The following IL1RAPL1 variants were observed in gnomAD, a reference collection of about 807,000 sequenced individuals.
IL1RAPL1 encodes the protein interleukin 1 receptor accessory protein like 1.
A neutral mutation model predicts 48.4 loss-of-function variants in IL1RAPL1; 3 were observed. The ratio of observed to expected loss-of-function variants is 0.06; its 90% CI spans 0.03 to 0.16. IL1RAPL1 has a LOEUF of 0.16. IL1RAPL1 is among the 10% of genes least tolerant of loss of function. The pLI is 1.00. For missense variants in IL1RAPL1, 349 were observed against 530.6 expected (o/e 0.66, Z 3.36); for synonymous variants, 185 against 187.7 (o/e 0.99, Z 0.12).
intron 3 of IL1RAPL1, among the ~76,000 whole-genome samples, chrX:29,314,997 C>T (rs1366788546): frequency 3.6e-5 from 4 of 111,830 alleles, no homozygotes; most frequent in Non-Finnish European, 5.6e-5. Flanking sequence ...GCCAAGGCAG[C>T]TCAGGGGATG....
intron 5 of IL1RAPL1, among the ~76,000 whole-genome samples, chrX:29,614,261 A>T (rs989769738): frequency 8.9e-6 from 1 of 111,808 alleles, no homozygotes; most frequent in Non-Finnish European, 1.9e-5. Flanking sequence ...GCAAATTGTC[A>T]GATTCTCAAG....
At chrX:29,103,282 C>T (rs1928382138) in intron 2 of IL1RAPL1, among the ~76,000 whole-genome samples, 1 of 111,439 alleles carries the variant, frequency 9.0e-6, no homozygotes, top group African/African-American at 3.3e-5. Flanking sequence ...AAACATAGAC[C>T]AATGAAAGAG....
At chrX:28,675,348 G>A (rs1329748573) in intron 1 of IL1RAPL1, among the ~76,000 whole-genome samples, 1 of 111,279 alleles carries the variant, frequency 9.0e-6, no homozygotes, top group Non-Finnish European at 1.9e-5. Flanking sequence ...ACATTCCAGG[G>A]CATCTTTGAA....
chrX:29,561,829 A>C (rs1299463279), intron 5 of IL1RAPL1, among the ~76,000 whole-genome samples: 1 of 110,572 alleles, frequency 9.0e-6, no homozygotes, highest in Non-Finnish European at 1.9e-5. Context: ...TGGGGATAAG[A>C]ACTGAAAACT....
chrX:29,837,580 A>G (rs1350078256), intron 6 of IL1RAPL1, among the ~76,000 whole-genome samples: 1 of 111,320 alleles, frequency 9.0e-6, no homozygotes, highest in Non-Finnish European at 1.9e-5. Flanking sequence ...ATAAACTCCT[A>G]TCTACTTGCA....
intron 9 of IL1RAPL1, among the ~76,000 whole-genome samples, chrX:29,946,500 T>TA (rs1246249903): frequency 1.8e-5 from 2 of 112,275 alleles, no homozygotes; most frequent in African/African-American, 6.5e-5. Context: ...GAGGAGAAGA[T>TA]ACGCTATCCC....
chrX:29,307,515 G>A (rs960436227), intron 3 of IL1RAPL1, among the ~76,000 whole-genome samples: 1 of 111,836 alleles, frequency 8.9e-6, no homozygotes, highest in Non-Finnish European at 1.9e-5. Flanking sequence ...GAAAAAAGAA[G>A]CTACAGGAAG....
At chrX:29,682,468 A>G (rs773359069) in intron 6 of IL1RAPL1, among the ~76,000 whole-genome samples, 8 of 111,251 alleles carry the variant, frequency 7.2e-5, no homozygotes, top group African/African-American at 2.0e-4. Flanking sequence ...TGTCACCCCA[A>G]TGAACTCTTC....
In IL1RAPL1 at chrX:28,660,397, A is replaced by G. The variant is rs1396183902; in HGVS notation, c.-25+72350A>G. On this transcript the variant is annotated intron_variant, in intron 1 of 10. Transcript: ENST00000378993. ...TTTTAGATAAGAATTAAATATGTAG[A>G]TATTTATTCACAAAGACCCTGCAAT... Among the ~76,000 whole-genome samples the G allele has an allele frequency of 3.6e-5, 4 of 110,878 alleles. No homozygotes were observed. In the East Asian group the frequency reaches 1.1e-3, roughly 31 times the overall value.
At chrX:28,950,079 C>T (rs1234003148) in intron 2 of IL1RAPL1, among the ~76,000 whole-genome samples, 13 of 104,600 alleles carry the variant, frequency 1.2e-4, no homozygotes, top group African/African-American at 1.0e-4. Flanking sequence ...TTAGGTCTAA[C>T]GTTTAAGTCT....
At chrX:29,314,131 C>T (rs186179516) in intron 3 of IL1RAPL1, among the ~76,000 whole-genome samples, 34 of 111,991 alleles carry the variant, frequency 3.0e-4, no homozygotes, top group Admixed American at 1.7e-3. Context: ...GATTAAGCAA[C>T]GCTGAGTTTA....
chrX:28,683,960 G>A (rs750324721), intron 1 of IL1RAPL1, among the ~76,000 whole-genome samples: 91 of 112,079 alleles, frequency 8.1e-4, no homozygotes, highest in Middle Eastern at 4.6e-3. Context: ...GATCCTTAAC[G>A]TAATCACATC....
intron 6 of IL1RAPL1, among the ~76,000 whole-genome samples, chrX:29,784,729 TG>T (rs1929452888): frequency 9.1e-6 from 1 of 110,474 alleles, no homozygotes. Context: ...GAGGAATGGT[TG>T]GAAAAACATT....
At chrX:29,523,753 A>G (rs1201350155) in intron 5 of IL1RAPL1, among the ~76,000 whole-genome samples, 1 of 111,773 alleles carries the variant, frequency 8.9e-6, no homozygotes, top group Admixed American at 9.5e-5. Context: ...TTTCTCAGCC[A>G]TAAGGTAGGC....
At chrX:29,190,475 AG>A (rs1448199550) in intron 2 of IL1RAPL1, among the ~76,000 whole-genome samples, 2 of 112,379 alleles carry the variant, frequency 1.8e-5, no homozygotes, top group African/African-American at 6.5e-5. Context: ...GTTAAGGATT[AG>A]TCAAAGTTGT....
At chrX:28,832,553 C>A (rs1306446456) in intron 2 of IL1RAPL1, among the ~76,000 whole-genome samples, 1 of 111,012 alleles carries the variant, frequency 9.0e-6, no homozygotes, top group African/African-American at 3.3e-5. Context: ...GCTGGAAAAT[C>A]CCTCCAAGTT....
intron 6 of IL1RAPL1, among the ~76,000 whole-genome samples, chrX:29,882,935 G>C (rs1932061198): frequency 9.0e-6 from 1 of 111,427 alleles, no homozygotes; most frequent in Non-Finnish European, 1.9e-5. Context: ...AGTAGCATCT[G>C]GTGATCTGGT....
intron 5 of IL1RAPL1, among the ~76,000 whole-genome samples, chrX:29,597,333 A>G (rs762295067): frequency 9.2e-6 from 1 of 109,189 alleles, no homozygotes; most frequent in Non-Finnish European, 1.9e-5. Context: ...TTGTATTTTT[A>G]GTAGAGACGG....
At chrX:28,644,446 C>T (rs773986681) in intron 1 of IL1RAPL1, among the ~76,000 whole-genome samples, 10 of 111,579 alleles carry the variant, frequency 9.0e-5, no homozygotes, top group Non-Finnish European at 1.1e-4. Flanking sequence ...CCCTGAAGGA[C>T]GCAAGCAATT....
Sources: gnomAD v4.1 joint callset for allele counts (sites outside exome capture counted in the v4.1 genomes callset) on GRCh38, gnomAD v4.1.1 for gene constraint, MANE v1.5 for transcripts, NCBI Gene and HGNC (gene_info 2026-07-23, HGNC 2026-07-21) for gene names.